Variants in TACR2 observed in about 807,000 individuals in gnomAD.
TACR2 encodes substance-K receptor.
In TACR2, 24 loss-of-function variants were observed where a neutral mutation model predicts 28.9. The ratio of observed to expected loss-of-function variants is 0.83; its 90% CI spans 0.60 to 1.17. The LOEUF is 1.17. TACR2 is among the 50% of genes most tolerant of loss of function. The pLI is 0.00. For synonymous variants in TACR2, 222 were observed against 212.6 expected, an observed-to-expected ratio of 1.04 and a Z score of -0.38; for missense variants, 487 against 524.4, an observed-to-expected ratio of 0.93 and a Z score of 0.70.
At chr10:69,409,940 T>TATATAC (rs1840555195) in intron 2 of TACR2, among the ~76,000 whole-genome samples, 1 of 101,826 alleles carries the variant, frequency 9.8e-6, no homozygotes, top group East Asian at 2.7e-4. Context: ...TATATATATA[T>TATATAC]ATAATCTGTA....
At position 69,416,205 on chromosome 10, in the gene TACR2, T is replaced by G; in HGVS notation, c.119A>C (p.Tyr40Ser). The change falls in exon 1 of 5, where the codon TAC becomes TCC. Residue 40 changes from tyrosine (Y) to serine (S), a missense_variant. Transcript: ENST00000373306. ...SWQLALWATA[Y>S]LALVLVAVTG... ...CACGGCCACCAGCACCAGGGCCAGG[T>G]AGGCTGTGGCCCACAGTGCCAGTTG... 1 of 1,614,140 alleles carries G rather than the reference T, an allele frequency of 6.2e-7. No individual in the cohort carries two copies.
rs766802819 is a variant in TACR2, at chr10:69,407,270, G to C, written c.752C>G (p.Thr251Ser). 3.7e-6 allele frequency: 6 copies of C among 1,612,044 alleles called. No homozygotes were observed. The Admixed American group carries it at 1.0e-4, about 27-fold the overall frequency. ...AAACGTCAGCACCACCAGCACCATG[G>C]TCTTCACAAACTGGTCCAGGAGAGG... is the stretch of plus-strand genomic sequence containing the variant. ...HLQAMKKFVK[T>S]MVLVVLTFAI... is the part of the protein sequence containing the mutation. Residue 251 changes from threonine to serine, a missense_variant, in exon 4 of 5, where the codon ACC becomes AGC. Transcript: ENST00000373306.
At chr10:69,415,889 T>C in intron 1 of TACR2, 43 bp downstream of exon 1, 1 of 1,597,196 alleles carries the variant, frequency 6.3e-7, no homozygotes, top group South Asian at 1.1e-5. Flanking sequence ...GAGCCCCGGC[T>C]CAGTGGGGAG....
rs535588644 is a variant in TACR2 at position 69,416,465 on chromosome 10, C to T, written c.-142G>A. The T allele has an allele frequency of 5.3e-6, 6 of 1,141,014 alleles. No homozygotes were observed. Among genetic ancestry groups the T allele is most frequent in the Non-Finnish European group, 7.3e-6 (6 of 824,566 alleles). The allele number at this position is 1,141,014 out of a possible 1,614,324, so 70.7% of individuals were successfully genotyped here. On this transcript the variant is annotated 5_prime_UTR_variant, in exon 1 of 5. Coordinates refer to ENST00000373306, the MANE Select transcript of TACR2 (RefSeq NM_001057.3). ...CAAGCGTGGTGGCACATCAGGAGAGCCTGGGGCCACTCCTAGGTCTCAGGC... is the reference window on the plus strand; with the variant it reads ...CAAGCGTGGTGGCACATCAGGAGAGTCTGGGGCCACTCCTAGGTCTCAGGC...
At chr10:69,406,502 G>C (rs3793851) in intron 4 of TACR2, among the ~76,000 whole-genome samples, 8,699 of 152,230 alleles carry the variant, frequency 0.057, 744 homozygotes, top group African/African-American at 0.19. Flanking sequence ...TCACTTCCCA[G>C]CTGCCCTGAA....
rs1313953538 is a variant in TACR2, at chr10:69,407,157, A to C, written c.865T>G (p.Tyr289Asp). 4 of 1,614,036 alleles carry C rather than the reference A, an allele frequency of 2.5e-6. No homozygotes were observed. The highest frequency in any genetic ancestry group is 2.5e-6 in the Non-Finnish European group (3 of 1,179,954). The change falls in exon 4 of 5, where the codon TAC becomes GAC. Residue 289 changes from tyrosine (Y) to aspartate (D), a missense_variant. Transcript: ENST00000373306. ...ATGGCCAACCAGAAGAGTGCCAGGT[A>C]GACTTGCTGGATGAACTTGTGGCAG... Reference protein sequence around the residue: ...IYCHKFIQQVYLALFWLAMSS... With the variant: ...IYCHKFIQQVDLALFWLAMSS...
chr10:69,415,052 G>A lies in TACR2; in HGVS notation c.480C>T (p.Leu160=), dbSNP rs970785006. ...AGAAGCACTGAGGGGAGGCCAGGGC[G>A]AGAGCCACCAGCCAGATGCCAGCAA... ...AVIAGIWLVA[L]ALASPQCFYS... The change falls in exon 2 of 5, where the codon CTC becomes CTT. Residue 160 remains leucine (L), a synonymous_variant. Transcript: ENST00000373306. 12 of 1,613,806 alleles carry A rather than the reference G, an allele frequency of 7.4e-6. No homozygotes were observed. Among genetic ancestry groups the A allele is most frequent in the Admixed American group, 3.3e-5 (2 of 60,024 alleles).
Position 69,408,961 on chromosome 10 carries a change from C to T in TACR2, c.702G>A (p.Ala234=), listed in dbSNP as rs754636595. 6.3e-7 allele frequency: 1 copy of T among 1,594,978 alleles called. No homozygotes were observed. Among genetic ancestry groups the T allele is most frequent in the African/African-American group, 1.4e-5 (1 of 73,222 alleles). The stretch of plus-strand genomic sequence containing the variant: ...GCAGGTGGCGCAGGTTGGCACCGTG[C>T]GCCTGATGTCCGGGCACTGCGCGCC... ...LWRRAVPGHQ[A]HGANLRHLQA... is the part of the protein sequence containing the mutation. Residue 234 remains alanine, a synonymous_variant, in exon 3 of 5, where the codon GCG becomes GCA. Transcript: ENST00000373306.
intron 1 of TACR2, among the ~76,000 whole-genome samples, chr10:69,415,578 A>G (rs1051524189): frequency 2.0e-5 from 3 of 152,128 alleles, no homozygotes; most frequent in African/African-American, 7.3e-5. Context: ...TAAAAAAAAA[A>G]CTGTATAAGA....
In TACR2 at chr10:69,415,993, G is replaced by A. The variant is rs373149947; in HGVS notation, c.331C>T (p.Leu111Phe). The A allele has an allele frequency of 1.9e-5, 30 of 1,614,274 alleles. No individual in the cohort carries two copies. In the African/African-American group the frequency reaches 3.6e-4, roughly 19 times the overall value. Residue 111 changes from leucine to phenylalanine, a missense_variant, in exon 1 of 5, where the codon CTC (leucine) becomes TTC (phenylalanine). Leu to Phe is a conservative substitution (Grantham distance 22). Coordinates refer to ENST00000373306, the MANE Select transcript of TACR2 (RefSeq NM_001057.3). ...ACAAACATGGCTGTGATGGGGAAGA[G>A]GTTCTGGAAGTAGCAGAAGGCACGG... is the stretch of plus-strand genomic sequence containing the variant. Reference protein sequence around the residue: ...FGRAFCYFQNLFPITAMFVSI... With the variant: ...FGRAFCYFQNFFPITAMFVSI...
Position 69,416,665 on chromosome 10 carries a change from A to G in TACR2, c.-342T>C, listed in dbSNP as rs1840622768. On this transcript the variant is annotated 5_prime_UTR_variant, in exon 1 of 5. Transcript: ENST00000373306. Reference sequence around the variant, plus strand: ...TTCGCTGAAGAGATGGAAGACAGAGATTCCAAGAGGGGACGGGACCAGCCC... The same window carrying G: ...TTCGCTGAAGAGATGGAAGACAGAGGTTCCAAGAGGGGACGGGACCAGCCC... The G allele has an allele frequency of 1.4e-5, 3 of 218,468 alleles. No homozygotes were observed. Among genetic ancestry groups the G allele is most frequent in the African/African-American group, 2.3e-5 (1 of 43,798 alleles). The allele number at this position is 218,468 out of a possible 1,614,324, so 13.5% of individuals were successfully genotyped here.
At chr10:69,405,881 T>C (rs1002514733) in intron 4 of TACR2, among the ~76,000 whole-genome samples, 3 of 152,148 alleles carry the variant, frequency 2.0e-5, no homozygotes, top group Admixed American at 1.3e-4. Context: ...AAATGCGTGG[T>C]GTGGGGATAA....
intron 4 of TACR2, among the ~76,000 whole-genome samples, chr10:69,406,463 C>A (rs1589601943): frequency 1.3e-5 from 2 of 152,090 alleles, no homozygotes; most frequent in South Asian, 4.1e-4. Context: ...AGATTCTGGC[C>A]CCCTCCTTCC....
rs781594634 is a variant in TACR2 at position 69,404,874 on chromosome 10, C to T, written c.1149G>A (p.Trp383Ter). 8 of 1,607,212 alleles carry T rather than the reference C, an allele frequency of 5.0e-6. No homozygotes were observed. In the African/African-American group the frequency reaches 1.1e-4, roughly 21 times the overall value. The part of the protein sequence containing the change: ...AGRPQDGSGL[W>*]FGYGLLAPTK... ...TGGGGGCAAGCAAACCATACCCAAA[C>T]CATAGCCCTGATCCATCCTGGGGAC... The change falls in exon 5 of 5, where the codon TGG (tryptophan) becomes TGA (stop). Residue 383 changes from tryptophan to a stop codon, truncating the protein, a stop_gained. Coordinates refer to ENST00000373306, the MANE Select transcript of TACR2 (RefSeq NM_001057.3). LOFTEE classifies it high-confidence loss of function.
chr10:69,408,748 T>C (rs1840528138), intron 3 of TACR2, among the ~76,000 whole-genome samples, 174 bp downstream of exon 3: 1 of 151,974 alleles, frequency 6.6e-6, no homozygotes. Context: ...GGACCGGCCT[T>C]GAGACCGTAA....
At chr10:69,411,815 T>C (rs774146949) in intron 2 of TACR2, among the ~76,000 whole-genome samples, 1 of 152,134 alleles carries the variant, frequency 6.6e-6, no homozygotes, top group Admixed American at 6.5e-5. Flanking sequence ...GATTCCTGAA[T>C]GCTAAGGGAG....
rs73276880 is a variant in TACR2 at position 69,416,674 on chromosome 10, G to A, written c.-351C>T. 2,810 of 209,780 alleles carry A rather than the reference G, an allele frequency of 0.013. 86 individuals are homozygous for A. Among genetic ancestry groups the A allele is most frequent in the African/African-American group, 0.061 (2,657 of 43,466 alleles). The allele number at this position is 209,780 out of a possible 1,614,324, so 13.0% of individuals were successfully genotyped here. On this transcript the variant is annotated 5_prime_UTR_variant, in exon 1 of 5. Transcript: ENST00000373306. ...GAGATGGAAGACAGAGATTCCAAGA[G>A]GGGACGGGACCAGCCCAGGTCACTC...
Position 69,415,648 on chromosome 10 carries a change from T to C in TACR2, c.392+284A>G, listed in dbSNP as rs140576015. On this transcript the variant is annotated intron_variant, in intron 1 of 4. Transcript: ENST00000373306. ...AAGATCAACTCCAGGAAAGAACACT[T>C]CAGAAGGTCGCTAAAACATTGCCCA... Among the ~76,000 whole-genome samples, 609 of 152,258 alleles carry C rather than the reference T, an allele frequency of 4.0e-3. 4 individuals are homozygous for C. Among genetic ancestry groups the C allele is most frequent in the African/African-American group, 0.014 (578 of 41,528 alleles).
chr10:69,415,886 G>A (rs904356527), intron 1 of TACR2, 46 bp downstream of exon 1: 12 of 1,593,842 alleles, frequency 7.5e-6, no homozygotes, highest in East Asian at 4.5e-5. Context: ...TCTGAGCCCC[G>A]GCTCAGTGGG....
Sources: allele counts gnomAD v4.1 joint callset (sites outside exome capture counted in the v4.1 genomes callset), GRCh38; gene constraint gnomAD v4.1.1; transcripts MANE v1.5; gene names NCBI Gene and HGNC (gene_info 2026-07-23, HGNC 2026-07-21).